Variants in ZNF33B observed in about 807,000 individuals in gnomAD.
ZNF33B encodes the protein zinc finger protein 33B.
A neutral mutation model predicts 45.8 loss-of-function variants in ZNF33B; 29 were observed. That is an observed-to-expected ratio of 0.63 (90% CI 0.47 to 0.86). The LOEUF (loss-of-function observed/expected upper bound fraction) is 0.86, where lower values mean the gene tolerates loss of function less well. ZNF33B is among the 40% of genes least tolerant of loss of function. The probability of loss-of-function intolerance (pLI) is 0.00; values close to 1 mark genes in which losing one functional copy is unlikely to be tolerated. For synonymous variants in ZNF33B, 305 were observed against 307.8 expected, an observed-to-expected ratio of 0.99 and a Z score of 0.10; for missense variants, 831 against 909.9, an observed-to-expected ratio of 0.91 and a Z score of 1.12.
chr10:42,623,501 A>G (rs922472322), intron 4 of ZNF33B, among the ~76,000 whole-genome samples: 11 of 152,228 alleles, frequency 7.2e-5, no homozygotes, highest in African/African-American at 2.7e-4. Context: ...AAACAGCCAG[A>G]AAAGAAAGTC....
At chr10:42,598,373 T>C (rs1305271064) in intron 4 of ZNF33B, among the ~76,000 whole-genome samples, 2 of 152,216 alleles carry the variant, frequency 1.3e-5, no homozygotes, top group African/African-American at 2.4e-5. Flanking sequence ...CAAATGTTCA[T>C]GAGTTTGCTG....
At position 42,592,146 on chromosome 10, in the gene ZNF33B, T is replaced by C. The variant is rs1050269258; in HGVS notation, c.*467A>G. The C allele has an allele frequency of 2.2e-5, 4 of 179,586 alleles. No individual in the cohort carries two copies. The highest frequency in any genetic ancestry group is 9.5e-5 in the African/African-American group (4 of 41,940). 11.1% of individuals were successfully genotyped at this position (179,586 alleles called of 1,614,324 possible). ...TGAGGTTATTTTAATTATTACTTCT[T>C]AAAAAATTCTTAAAGCTTTACATTC... On this transcript the variant is annotated 3_prime_UTR_variant, in exon 5 of 5. Coordinates refer to ENST00000359467, the MANE Select transcript of ZNF33B (RefSeq NM_006955.3).
chr10:42,628,759 G>A (rs552786133), intron 4 of ZNF33B, among the ~76,000 whole-genome samples: 11 of 152,090 alleles, frequency 7.2e-5, no homozygotes, highest in African/African-American at 2.7e-4. Context: ...GAACGCCACC[G>A]ATCATACACA....
chr10:42,605,638 G>C (rs1413063857), intron 4 of ZNF33B, among the ~76,000 whole-genome samples: 8 of 152,132 alleles, frequency 5.3e-5, no homozygotes, highest in Non-Finnish European at 7.4e-5. Flanking sequence ...CCAAACACTA[G>C]ATCAAATCCA....
At chr10:42,574,708 G>A (rs546123381) in intron 1 of ZNF33B, 6 of 151,956 alleles carry the variant, frequency 3.9e-5, no homozygotes, top group East Asian at 1.9e-4. Flanking sequence ...GCACTGTGAG[G>A]ATTATATTAT....
At position 42,592,784 on chromosome 10, in the gene ZNF33B, C is replaced by T. The variant is rs1837190396; in HGVS notation, c.2166G>A (p.Gln722=). 6.2e-7 allele frequency: 1 copy of T among 1,613,890 alleles called. No homozygotes were observed. The highest frequency in any genetic ancestry group is 8.5e-7 in the Non-Finnish European group (1 of 1,179,982). Reference sequence around the variant, plus strand: ...AAAAGATTTTTCCACATTCATTACACTGACAAGATTTCTCTCCTGTGTGAG... The same window carrying T: ...AAAAGATTTTTCCACATTCATTACATTGACAAGATTTCTCTCCTGTGTGAG... ...HRAHTGEKSC[Q]CNECGKIFYR... The change falls in exon 5 of 5, where the codon CAG becomes CAA. Residue 722 remains glutamine (Q), a synonymous_variant. Transcript: ENST00000359467.
At chr10:42,623,733 T>C (rs1564522513) in intron 4 of ZNF33B, among the ~76,000 whole-genome samples, 1 of 152,208 alleles carries the variant, frequency 6.6e-6, no homozygotes, top group Non-Finnish European at 1.5e-5. Flanking sequence ...ATAATGCAAA[T>C]GTTTTAGAAA....
downstream of ZNF33B, among the ~76,000 whole-genome samples, chr10:42,588,369 C>A (rs1421136661): frequency 1.3e-5 from 2 of 152,206 alleles, no homozygotes; most frequent in African/African-American, 4.8e-5. Context: ...GTGGTTCTGT[C>A]CAAGAAGCCT....
At chr10:42,617,103 T>TA (rs1462548068) in intron 4 of ZNF33B, among the ~76,000 whole-genome samples, 1 of 121,258 alleles carries the variant, frequency 8.2e-6, no homozygotes, top group African/African-American at 3.5e-5. Flanking sequence ...TTTTTTTTTT[T>TA]TTTTTTTTTT....
At chr10:42,624,410 T>C (rs898359242) in intron 4 of ZNF33B, among the ~76,000 whole-genome samples, 8 of 152,240 alleles carry the variant, frequency 5.3e-5, no homozygotes, top group Admixed American at 5.2e-4. Context: ...TTGATTATTA[T>C]AGCTATTAAT....
At chr10:42,607,318 T>C (rs1405865821) in intron 4 of ZNF33B, among the ~76,000 whole-genome samples, 5 of 131,076 alleles carry the variant, frequency 3.8e-5, no homozygotes, top group Non-Finnish European at 8.4e-5. Context: ...CTAAAATATA[T>C]TCATTTCACG....
chr10:42,584,431 T>A (rs115938727), downstream of ZNF33B, among the ~76,000 whole-genome samples: 3 of 151,846 alleles, frequency 2.0e-5, no homozygotes, highest in African/African-American at 7.3e-5. Context: ...AATTGCCACC[T>A]GGGGACAGGG....
rs201974774 is a variant in ZNF33B at position 42,593,712 on chromosome 10, T to C, written c.1238A>G (p.Tyr413Cys). 2.5e-5 allele frequency: 40 copies of C among 1,613,628 alleles called. No homozygotes were observed. In the East Asian group the frequency reaches 7.4e-4, roughly 30 times the overall value. Residue 413 changes from tyrosine to cysteine, a missense_variant, in exon 5 of 5, where the codon TAT becomes TGT. Transcript: ENST00000359467. ...AGTTTTCCCACATGCATTACACTGATAGGGTTTCTCCCCTGTATGTGTTCT... is the reference window on the plus strand; with the variant it reads ...AGTTTTCCCACATGCATTACACTGACAGGGTTTCTCCCCTGTATGTGTTCT... ...HQRTHTGEKP[Y>C]QCNACGKTFY...
chr10:42,625,459 G>A (rs1477296078), intron 4 of ZNF33B, among the ~76,000 whole-genome samples: 1 of 152,020 alleles, frequency 6.6e-6, no homozygotes, highest in Non-Finnish European at 1.5e-5. Flanking sequence ...CATTCTGGGA[G>A]GTTTTCATTT....
chr10:42,581,489 A>T (rs1425504316), intron 1 of ZNF33B: 1 of 144,852 alleles, frequency 6.9e-6, no homozygotes, highest in African/African-American at 2.5e-5. Flanking sequence ...AAAAAAAAAA[A>T]GTGTGTCCAC....
chr10:42,583,765 G>A (rs545979924), intron 1 of ZNF33B, among the ~76,000 whole-genome samples: 1 of 152,218 alleles, frequency 6.6e-6, no homozygotes, highest in South Asian at 2.1e-4. Flanking sequence ...TAAATGTACA[G>A]ACAGAATCAC....
intron 4 of ZNF33B, among the ~76,000 whole-genome samples, chr10:42,610,362 CCT>C (rs1360058524): frequency 7.9e-5 from 12 of 152,172 alleles, no homozygotes; most frequent in African/African-American, 2.6e-4. Context: ...ATGGTGAAAC[CCT>C]GTCTCTACTA....
At chr10:42,626,474 G>A (rs1838811479) in intron 4 of ZNF33B, among the ~76,000 whole-genome samples, 1 of 152,092 alleles carries the variant, frequency 6.6e-6, no homozygotes, top group South Asian at 2.1e-4. Context: ...CGGACCACAA[G>A]GTCAGGAGTT....
chr10:42,614,452 A>G (rs1158545229), intron 4 of ZNF33B: 2 of 152,634 alleles, frequency 1.3e-5, no homozygotes, highest in African/African-American at 4.8e-5. Context: ...GACACTAAAT[A>G]AAAATATGGA....
Sources: gnomAD v4.1 joint callset for allele counts (sites outside exome capture counted in the v4.1 genomes callset) on GRCh38, gnomAD v4.1.1 for gene constraint, MANE v1.5 for transcripts, NCBI Gene and HGNC (gene_info 2026-07-23, HGNC 2026-07-21) for gene names.